Variants in CDK19 observed in about 807,000 individuals in gnomAD.
The protein encoded by CDK19 is cyclin-dependent kinase 19.
A neutral mutation model predicts 68.3 loss-of-function variants in CDK19; 20 were observed. That is an observed-to-expected ratio of 0.29 (90% CI 0.21 to 0.43). The LOEUF (loss-of-function observed/expected upper bound fraction) is 0.43, where lower values mean the gene tolerates loss of function less well. CDK19 is among the 20% of genes least tolerant of loss of function. The pLI, the probability that CDK19 is intolerant of heterozygous loss-of-function variation, is 1.00. For missense variants in CDK19, 339 were observed against 623.5 expected, an observed-to-expected ratio of 0.54 and a Z score of 4.86; for synonymous variants, 221 against 222.8, an observed-to-expected ratio of 0.99 and a Z score of 0.07.
intron 5 of CDK19, among the ~76,000 whole-genome samples, chr6:110,637,954 G>A (rs1217065122): frequency 2.0e-5 from 3 of 152,238 alleles, no homozygotes; most frequent in African/African-American, 7.2e-5. Flanking sequence ...TTGCACTCCA[G>A]CCTGGGCAAC....
chr6:110,736,244 G>A (rs1777245391), intron 2 of CDK19, among the ~76,000 whole-genome samples: 1 of 152,192 alleles, frequency 6.6e-6, no homozygotes. Context: ...GGGAGGCTGA[G>A]AGAGGAGAAT....
chr6:110,813,186 G>C (rs1194697923), intron 1 of CDK19: 1 of 151,886 alleles, frequency 6.6e-6, no homozygotes, highest in Non-Finnish European at 1.5e-5. Flanking sequence ...CTTTATTAGA[G>C]GGGAAAAATA....
At position 110,716,738 on chromosome 6, in the gene CDK19, C is replaced by T. The variant is rs181230068; in HGVS notation, c.204+29388G>A. ...GAACAAAGAGAGAGAAAGAGATCTA[C>T]GTGTATCTCTACTCTCTATATATTC... On this transcript the variant is annotated intron_variant, in intron 2 of 12. Transcript: ENST00000368911. Among the ~76,000 whole-genome samples the T allele has an allele frequency of 3.7e-4, 56 of 152,138 alleles. 2 individuals are homozygous for T. In the East Asian group the frequency reaches 0.01, roughly 27 times the overall value.
chr6:110,765,605 C>T (rs1469518173), intron 1 of CDK19, among the ~76,000 whole-genome samples: 24 of 148,512 alleles, frequency 1.6e-4, no homozygotes, highest in South Asian at 2.3e-4. Context: ...TGCTTGAACC[C>T]GGGAGGCGGA....
At chr6:110,728,077 C>T (rs1243842824) in intron 2 of CDK19, among the ~76,000 whole-genome samples, 1 of 151,488 alleles carries the variant, frequency 6.6e-6, no homozygotes, top group African/African-American at 2.4e-5. Context: ...ATCACGAGGT[C>T]GGGAGTTCAA....
At chr6:110,636,293 G>A (rs1422155394) in intron 5 of CDK19, among the ~76,000 whole-genome samples, 1 of 152,222 alleles carries the variant, frequency 6.6e-6, no homozygotes, top group Non-Finnish European at 1.5e-5. Context: ...CTGGTATCAA[G>A]ATCTTAGAAT....
rs1299821484 is a variant in CDK19, at chr6:110,625,187, C to T, written c.860+1589G>A. On this transcript the variant is annotated intron_variant, in intron 8 of 12. Transcript: ENST00000368911. ...AACCTGAGCATCACCTGAGAGCCTG[C>T]ATTAGAAATGAAGGTTCTCAGTTCT... Among the ~76,000 whole-genome samples, 4 of 152,144 alleles carry T rather than the reference C, an allele frequency of 2.6e-5. 1 individual carries two copies. The highest frequency in any genetic ancestry group is 9.7e-5 in the African/African-American group (4 of 41,446).
intron 12 of CDK19, among the ~76,000 whole-genome samples, chr6:110,617,955 T>C (rs1440381389): frequency 1.3e-5 from 2 of 149,890 alleles, no homozygotes; most frequent in African/African-American, 4.9e-5. Context: ...ATTAACATTC[T>C]AAATCACACA....
chr6:110,630,781 A>C (rs183321193), intron 6 of CDK19, among the ~76,000 whole-genome samples: 9 of 152,342 alleles, frequency 5.9e-5, no homozygotes, highest in Admixed American at 6.5e-5. Context: ...GTTTACTCAG[A>C]GGCTTTTTCA....
chr6:110,739,158 T>C (rs562981139), intron 2 of CDK19, among the ~76,000 whole-genome samples: 1 of 152,282 alleles, frequency 6.6e-6, no homozygotes, highest in South Asian at 2.1e-4. Context: ...CCCTCCCAAA[T>C]TCGTATGTTG....
At chr6:110,638,195 C>T (rs1779906768) in intron 5 of CDK19, among the ~76,000 whole-genome samples, 1 of 152,050 alleles carries the variant, frequency 6.6e-6, no homozygotes. Context: ...TATGTTAGTA[C>T]TTGGTGCAAG....
At chr6:110,676,687 T>C (rs192486923) in intron 2 of CDK19, among the ~76,000 whole-genome samples, 1 of 152,326 alleles carries the variant, frequency 6.6e-6, no homozygotes, top group East Asian at 1.9e-4. Flanking sequence ...TAGCACCTTT[T>C]AGCAATAATG....
chr6:110,759,244 CAA>C (rs200887987), intron 1 of CDK19, among the ~76,000 whole-genome samples: 1 of 139,324 alleles, frequency 7.2e-6, no homozygotes, highest in African/African-American at 2.6e-5. Context: ...ACTAAAAATA[CAA>C]AAAAAAAAAT....
At chr6:110,784,566 G>C (rs1293399106) in intron 1 of CDK19, among the ~76,000 whole-genome samples, 1 of 152,174 alleles carries the variant, frequency 6.6e-6, no homozygotes, top group South Asian at 2.1e-4. Context: ...CTTTGGGAAA[G>C]AGGCTGGTAG....
chr6:110,768,647 C>G (rs1779758005), intron 1 of CDK19, among the ~76,000 whole-genome samples: 1 of 152,102 alleles, frequency 6.6e-6, no homozygotes, highest in South Asian at 2.1e-4. Context: ...GCTACATACT[C>G]AACTCTATGA....
intron 2 of CDK19, among the ~76,000 whole-genome samples, chr6:110,691,123 A>AT (rs200078980): frequency 6.6e-6 from 1 of 152,206 alleles, no homozygotes; most frequent in East Asian, 1.9e-4. Flanking sequence ...ACATGAAGAA[A>AT]TTTTTTAAAA....
intron 1 of CDK19, 158 bp downstream of exon 1, chr6:110,814,851 A>ACGGGCGCCCCTCGGAGTCGGTGTC: frequency 3.2e-6 from 3 of 931,568 alleles, no homozygotes; most frequent in Non-Finnish European, 4.9e-6. Context: ...GGCGGGCGGA[A>ACGGGCGCCCCTCGGAGTCGGTGTC]CGGGCGCCCC....
chr6:110,697,925 T>TA (rs1400639259), intron 2 of CDK19, among the ~76,000 whole-genome samples: 2 of 152,112 alleles, frequency 1.3e-5, no homozygotes, highest in African/African-American at 4.8e-5. Context: ...AAGGACACCC[T>TA]ATTCAACAAA....
At chr6:110,673,337 T>C (rs1284727258) in intron 2 of CDK19, among the ~76,000 whole-genome samples, 6 of 152,212 alleles carry the variant, frequency 3.9e-5, no homozygotes, top group African/African-American at 1.4e-4. Context: ...ATTTCGTTTG[T>C]CCATTTGCCC....
Sources: gnomAD v4.1 joint callset for allele counts (sites outside exome capture counted in the v4.1 genomes callset) on GRCh38, gnomAD v4.1.1 for gene constraint, MANE v1.5 for transcripts, NCBI Gene and HGNC (gene_info 2026-07-23, HGNC 2026-07-21) for gene names.